The following MYC variants were observed in gnomAD, a reference collection of about 807,000 sequenced individuals.
MYC encodes the protein MYC proto-oncogene, bHLH transcription factor.
In MYC, 1 loss-of-function variant was observed where a neutral mutation model predicts 30.5. That is an observed-to-expected ratio of 0.03 (90% confidence interval 0.01 to 0.16). MYC has a LOEUF of 0.16. Among genes scored for constraint, MYC ranks in the 10% least tolerant of loss-of-function variants. MYC has a pLI of 1.00. For missense variants in MYC, 508 were observed against 589.0 expected, an observed-to-expected ratio of 0.86 and a Z score of 1.42; for synonymous variants, 267 against 250.7, an observed-to-expected ratio of 1.07 and a Z score of -0.62.
chr8:127,737,680 A>G (rs1334691154), intron 1 of MYC, among the ~76,000 whole-genome samples: 3 of 113,414 alleles, frequency 2.6e-5, no homozygotes, highest in Non-Finnish European at 5.5e-5. Flanking sequence ...CGGGGGCGGT[A>G]CTGGGGGTGG....
chr8:127,740,438 T>C lies in MYC; in HGVS notation c.845T>C (p.Val282Ala), dbSNP rs1355624510. The C allele has an allele frequency of 6.2e-7, 1 of 1,613,904 alleles. No individual in the cohort carries two copies. Among genetic ancestry groups the C allele is most frequent in the African/African-American group, 1.3e-5 (1 of 74,860 alleles). ...GAGGAAGAAATCGATGTTGTTTCTG[T>C]GGAAAAGAGGCAGGCTCCTGGCAAA... Residue 282 changes from valine to alanine, a missense_variant, in exon 3 of 3, where the codon GTG becomes GCG. Transcript: ENST00000621592.
chr8:127,738,951 C>CCCCGCAGGGCAGCCCCGAGCCCCT lies in MYC; in HGVS notation c.735_758dup (p.Pro246_Leu253dup). The CCCCGCAGGGCAGCCCCGAGCCCCT allele has an allele frequency of 6.3e-7, 1 of 1,591,364 alleles. No individual in the cohort carries two copies. The highest frequency in any genetic ancestry group is 8.5e-7 in the Non-Finnish European group (1 of 1,174,448). On this transcript the variant is annotated inframe_insertion, in exon 2 of 3. Coordinates refer to ENST00000621592, the MANE Select transcript of MYC (RefSeq NM_002467.6). This position sits in a 1 kb window ranked among gnomAD's most constrained non-coding sequence, Gnocchi z 7.6. ...TCTCTGCTCTCCTCGACGGAGTCCT[C>CCCCGCAGGGCAGCCCCGAGCCCCT]CCCGCAGGGCAGCCCCGAGCCCCTG...
Position 127,736,553 on chromosome 8 carries a change from AC to A in MYC, c.-38del, listed in dbSNP as rs1168051048. ...GGGACACTTCCCCGCCGCTGCCAGGACCCGCTTCTCTGAAAGGCTCTCCTTG... is the reference window on the plus strand; with the variant it reads ...GGGACACTTCCCCGCCGCTGCCAGGACCGCTTCTCTGAAAGGCTCTCCTTG... On this transcript the variant is annotated 5_prime_UTR_variant, in exon 1 of 3. Transcript: ENST00000621592. 1 of 1,613,094 alleles carries A rather than the reference AC, an allele frequency of 6.2e-7. No homozygotes were observed. The highest frequency in any genetic ancestry group is 1.1e-5 in the South Asian group (1 of 90,984).
chr8:127,740,723 T>C lies in MYC; in HGVS notation c.1130T>C (p.Leu377Ser). 1 of 1,614,020 alleles carries C rather than the reference T, an allele frequency of 6.2e-7. No individual in the cohort carries two copies. The highest frequency in any genetic ancestry group is 8.5e-7 in the Non-Finnish European group (1 of 1,180,004). The change falls in exon 3 of 3, where the codon TTG becomes TCG. Residue 377 changes from leucine to serine, a missense_variant. Transcript: ENST00000621592. ...GTCAAGAGGCGAACACACAACGTCT[T>C]GGAGCGCCAGAGGAGGAACGAGCTA... is the stretch of plus-strand genomic sequence containing the variant.
rs35524866 is a variant in MYC at position 127,741,002 on chromosome 8, G to A, written c.*44G>A. The A allele has an allele frequency of 3.4e-3, 5,164 of 1,499,870 alleles. 24 individuals are homozygous for A. Among genetic ancestry groups the A allele is most frequent in the African/African-American group, 0.02 (1,422 of 71,570 alleles). The allele number at this position is 1,499,870 out of a possible 1,614,324, so 92.9% of individuals were successfully genotyped here. A position where few individuals can be genotyped will look rare whatever the true frequency, so the allele number is the denominator to read the frequency against. On this transcript the variant is annotated 3_prime_UTR_variant, in exon 3 of 3. Transcript: ENST00000621592. ...ATTCCTTCTAACAGAAATGTCCTGA[G>A]CAATCACCTATGAACTTGTTTCAAA... is the stretch of plus-strand genomic sequence containing the variant.
At chr8:127,740,204 C>T (rs755856632) in intron 2 of MYC, among the ~76,000 whole-genome samples, 192 bp from the exon 3 acceptor site, 5 of 152,192 alleles carry the variant, frequency 3.3e-5, no homozygotes, top group Non-Finnish European at 5.9e-5. Context: ...CCGCCCACCT[C>T]GGCCTCCCAA....
chr8:127,738,652 C>A lies in MYC; in HGVS notation c.435C>A (p.Ile145=), dbSNP rs2130095348. ...AGACCTTCATCAAAAACATCATCAT[C>A]CAGGACTGTATGTGGAGCGGCTTCT... The change falls in exon 2 of 3, where the codon ATC becomes ATA. Residue 145 remains isoleucine (I), a synonymous_variant. Transcript: ENST00000621592. This position sits in a 1 kb window ranked among gnomAD's most constrained non-coding sequence, Gnocchi z 7.6. 6.2e-7 allele frequency: 1 copy of A among 1,614,016 alleles called. No individual in the cohort carries two copies. Among genetic ancestry groups the A allele is most frequent in the Non-Finnish European group, 8.5e-7 (1 of 1,179,950 alleles).
In MYC at chr8:127,738,520, C is replaced by G. The variant is rs767360326; in HGVS notation, c.303C>G (p.Asn101Lys). 1.9e-6 allele frequency: 3 copies of G among 1,610,898 alleles called. No homozygotes were observed. Among genetic ancestry groups the G allele is most frequent in the East Asian group, 2.2e-5 (1 of 44,832 alleles). ...CACCCTTCTCCCTTCGGGGAGACAA[C>G]GACGGCGGTGGCGGGAGCTTCTCCA... The change falls in exon 2 of 3, where the codon AAC becomes AAG. Residue 101 changes from asparagine to lysine, a missense_variant. By Grantham distance (94) the Asn-to-Lys change is moderately conservative. Around this residue, in one of 5 missense-constraint regions of MYC, gnomAD observed 364 missense variants for 381.1 expected, o/e 0.96. Transcript: ENST00000621592. The surrounding 1 kb of genome is among the most constrained non-coding windows in gnomAD (Gnocchi z 7.6).
chr8:127,741,033 G>A lies in MYC; in HGVS notation c.*75G>A. 7.5e-7 allele frequency: 1 copy of A among 1,329,990 alleles called. No homozygotes were observed. Among genetic ancestry groups the A allele is most frequent in the Non-Finnish European group, 1.0e-6 (1 of 992,878 alleles). The allele number at this position is 1,329,990 out of a possible 1,614,324, so 82.4% of individuals were successfully genotyped here. A position where few individuals can be genotyped will look rare whatever the true frequency, so the allele number is the denominator to read the frequency against. On this transcript the variant is annotated 3_prime_UTR_variant, in exon 3 of 3. Coordinates refer to ENST00000621592, the MANE Select transcript of MYC (RefSeq NM_002467.6). ...ACCTATGAACTTGTTTCAAATGCAT[G>A]ATCAAATGCAACCTCACAACCTTGG...
chr8:127,738,732 A>G lies in MYC; in HGVS notation c.515A>G (p.Lys172Arg). The change falls in exon 2 of 3, where the codon AAA (lysine) becomes AGA (arginine). Residue 172 changes from lysine to arginine, a missense_variant. Lys to Arg is a conservative substitution (Grantham distance 26, BLOSUM62 2). Transcript: ENST00000621592. The surrounding 1 kb of genome is among the most constrained non-coding windows in gnomAD (Gnocchi z 7.6). ...CTGGCCTCCTACCAGGCTGCGCGCA[A>G]AGACAGCGGCAGCCCGAACCCCGCC... The G allele has an allele frequency of 6.2e-7, 1 of 1,613,714 alleles. No individual in the cohort carries two copies. The highest frequency in any genetic ancestry group is 8.5e-7 in the Non-Finnish European group (1 of 1,179,866).
Position 127,736,454 on chromosome 8 carries a change from C to T in MYC, c.-140C>T. ...CTTTGCCCATAGCAGCGGGCGGGCA[C>T]TTTGCACTGGAACTTACAACACCCG... On this transcript the variant is annotated 5_prime_UTR_variant, in exon 1 of 3. Coordinates refer to ENST00000621592, the MANE Select transcript of MYC (RefSeq NM_002467.6). 1 of 911,540 alleles carries T rather than the reference C, an allele frequency of 1.1e-6. No individual in the cohort carries two copies. Among genetic ancestry groups the T allele is most frequent in the Non-Finnish European group, 1.7e-6 (1 of 592,256 alleles). The allele number at this position is 911,540 out of a possible 1,614,324, so 56.5% of individuals were successfully genotyped here.
chr8:127,737,203 G>T (rs113705007), intron 1 of MYC, among the ~76,000 whole-genome samples: 35 of 152,400 alleles, frequency 2.3e-4, no homozygotes, highest in African/African-American at 6.3e-4. Context: ...TAAGAAGTTG[G>T]CATTTGGCTT....
chr8:127,738,150 G>A lies in MYC; in HGVS notation c.31-98G>A. On this transcript the variant is annotated intron_variant, in intron 1 of 2. Transcript: ENST00000621592. This position sits in a 1 kb window ranked among gnomAD's most constrained non-coding sequence, Gnocchi z 7.6. Reference sequence around the variant, plus strand: ...TAGGGGATAGCTCTGCAAGGGGAGAGGTTCGGGACTGTGGCGCGCACTGCG... The same window carrying A: ...TAGGGGATAGCTCTGCAAGGGGAGAAGTTCGGGACTGTGGCGCGCACTGCG... 3 of 1,414,720 alleles carry A rather than the reference G, an allele frequency of 2.1e-6. No homozygotes were observed. The highest frequency in any genetic ancestry group is 1.4e-5 in the South Asian group (1 of 71,900). The allele number at this position is 1,414,720 out of a possible 1,614,324, so 87.6% of individuals were successfully genotyped here.
intron 1 of MYC, 46 bp downstream of exon 1, chr8:127,736,669 T>C (rs1813596853): frequency 6.3e-7 from 1 of 1,599,558 alleles, no homozygotes; most frequent in African/African-American, 1.3e-5. Context: ...TTTTTATCAC[T>C]TTAATGCTGA....
At chr8:127,740,270 G>T in intron 2 of MYC, 126 bp from the exon 3 acceptor site, 2 of 1,002,874 alleles carry the variant, frequency 2.0e-6, no homozygotes, top group Non-Finnish European at 2.9e-6. Context: ...GGCTCTTTGG[G>T]GAGATAATTT....
chr8:127,740,442 A>G lies in MYC; in HGVS notation c.849A>G (p.Glu283=), dbSNP rs1176339958. Residue 283 remains glutamate, a synonymous_variant, in exon 3 of 3, where the codon GAA becomes GAG. Transcript: ENST00000621592. ...AAGAAATCGATGTTGTTTCTGTGGA[A>G]AAGAGGCAGGCTCCTGGCAAAAGGT... 2 of 1,614,122 alleles carry G rather than the reference A, an allele frequency of 1.2e-6. No individual in the cohort carries two copies. The highest frequency in any genetic ancestry group is 3.3e-5 in the Admixed American group (2 of 60,026).
In MYC at chr8:127,738,166, G is replaced by T. The variant is rs1016210347; in HGVS notation, c.31-82G>T. The T allele has an allele frequency of 5.4e-6, 8 of 1,481,906 alleles. No individual in the cohort carries two copies. The Admixed American group carries it at 1.8e-4, about 33-fold the overall frequency. The allele number at this position is 1,481,906 out of a possible 1,614,324, so 91.8% of individuals were successfully genotyped here. The stretch of plus-strand genomic sequence containing the variant: ...AAGGGGAGAGGTTCGGGACTGTGGC[G>T]CGCACTGCGCGCTGCGCCAGGTTTC... On this transcript the variant is annotated intron_variant, in intron 1 of 2. Coordinates refer to ENST00000621592, the MANE Select transcript of MYC (RefSeq NM_002467.6). The surrounding 1 kb of genome is among the most constrained non-coding windows in gnomAD (Gnocchi z 7.6).
chr8:127,736,190 G>A (rs543595570), upstream of MYC: 1 of 471,454 alleles, frequency 2.1e-6, no homozygotes, highest in East Asian at 3.2e-5. Context: ...CGGAGGGAGG[G>A]ATCGCGCTGA....
chr8:127,737,609 G>T (rs1393603903), intron 1 of MYC, among the ~76,000 whole-genome samples: 1 of 151,902 alleles, frequency 6.6e-6, no homozygotes, highest in Non-Finnish European at 1.5e-5. Context: ...AAAGCCCGCG[G>T]CTGAGCTCGC....
Sources: gnomAD v4.1 joint callset for allele counts (sites outside exome capture counted in the v4.1 genomes callset) on GRCh38, gnomAD v4.1.1 for gene constraint, gnomAD v4.1.1 regional missense constraint, Gnocchi (gnomAD v3.1) non-coding constraint, MANE v1.5 for transcripts, NCBI Gene and HGNC (gene_info 2026-07-23, HGNC 2026-07-21) for gene names.